CPHXL: variants seen among roughly 807,000 people sequenced by gnomAD.
The protein encoded by CPHXL is cytoplasmic polyadenylated homeobox like.
At chr16:75,722,884 TG>T (rs1959498529) in intron 1 of CPHXL, among the ~76,000 whole-genome samples, 1 of 152,130 alleles carries the variant, frequency 6.6e-6, no homozygotes, top group Non-Finnish European at 1.5e-5. Flanking sequence ...CAGCAGCACA[TG>T]AAAAAGCTCA....
intron 1 of CPHXL, among the ~76,000 whole-genome samples, chr16:75,721,162 A>C (rs1959471126): frequency 6.6e-6 from 1 of 152,222 alleles, no homozygotes; most frequent in Non-Finnish European, 1.5e-5. Flanking sequence ...TCAATTGTTA[A>C]GACCATCGAG....
intron 2 of CPHXL, among the ~76,000 whole-genome samples, chr16:75,717,502 G>A (rs1045690258): frequency 4.6e-5 from 7 of 152,122 alleles, no homozygotes; most frequent in African/African-American, 7.2e-5. Context: ...ACCATCTCTA[G>A]ATGACTTACA....
chr16:75,720,335 A>T (rs1020054884), intron 1 of CPHXL, among the ~76,000 whole-genome samples: 4 of 152,208 alleles, frequency 2.6e-5, no homozygotes, highest in Non-Finnish European at 5.9e-5. Context: ...AACCCATGGC[A>T]AAGAAGTTAA....
chr16:75,725,798 T>C (rs1366652349), intron 1 of CPHXL, among the ~76,000 whole-genome samples: 7 of 143,172 alleles, frequency 4.9e-5, no homozygotes, highest in African/African-American at 1.3e-4. Context: ...AACCTTGCTA[T>C]GTTGCCTGGG....
At chr16:75,721,067 C>T (rs1304292414) in intron 1 of CPHXL, among the ~76,000 whole-genome samples, 2 of 152,226 alleles carry the variant, frequency 1.3e-5, no homozygotes, top group South Asian at 2.1e-4. Context: ...GATTTTGTCA[C>T]CACCAGGCCT....
At chr16:75,718,662 C>G (rs968820183) in intron 1 of CPHXL, among the ~76,000 whole-genome samples, 4 of 152,172 alleles carry the variant, frequency 2.6e-5, no homozygotes, top group Non-Finnish European at 4.4e-5. Context: ...GCCAGATCCA[C>G]CCAGTTGCCT....
At position 75,723,808 on chromosome 16, in the gene CPHXL, A is replaced by C. The variant is rs1222047223; in HGVS notation, c.25+2610T>G. Among the ~76,000 whole-genome samples the C allele has an allele frequency of 6.6e-5, 10 of 152,346 alleles. No individual in the cohort carries two copies. In the East Asian group the frequency reaches 1.5e-3, roughly 23 times the overall value. ...CACATTGCCAAGTCAATCCTAAGCC[A>C]AAAGAACAAAGCTGGAGGCATCATG... On this transcript the variant is annotated intron_variant, in intron 1 of 2. Transcript: ENST00000640559.
intron 2 of CPHXL, 30 bp from the exon 3 acceptor site, chr16:75,715,252 G>T: frequency 2.5e-6 from 1 of 398,624 alleles, no homozygotes; most frequent in South Asian, 1.3e-4. Context: ...TTGTTTTATT[G>T]ACTCTACTTA....
rs1959356977 is a variant in CPHXL at position 75,714,219 on chromosome 16, T to G, written c.*5A>C. 2.5e-6 allele frequency: 1 copy of G among 398,576 alleles called. No individual in the cohort carries two copies. Among genetic ancestry groups the G allele is most frequent in the Non-Finnish European group, 4.4e-6 (1 of 226,126 alleles). 24.7% of individuals were successfully genotyped at this position (398,576 alleles called of 1,614,324 possible). ...CCTGCTGCAGACCCTTGTCCACTCT[T>G]CAACTTAAAGTTGCTGCATTTGGGT... On this transcript the variant is annotated 3_prime_UTR_variant, in exon 3 of 3. Coordinates refer to ENST00000640559, the MANE Select transcript of CPHXL (RefSeq NM_001355613.1).
chr16:75,726,240 T>G (rs1959557659), intron 1 of CPHXL, among the ~76,000 whole-genome samples, 178 bp downstream of exon 1: 1 of 152,184 alleles, frequency 6.6e-6, no homozygotes, highest in East Asian at 1.9e-4. Flanking sequence ...CATTTTACAT[T>G]TGAAATTCAA....
At position 75,718,651 on chromosome 16, in the gene CPHXL, G is replaced by C. The variant is rs1490354592; in HGVS notation, c.26-193C>G. Among the ~76,000 whole-genome samples, 3 of 152,104 alleles carry C rather than the reference G, an allele frequency of 2.0e-5. No individual in the cohort carries two copies. In the South Asian group the frequency reaches 6.2e-4, roughly 32 times the overall value. On this transcript the variant is annotated intron_variant, in intron 1 of 2. Transcript: ENST00000640559. ...GGAATTGGCTAACTCTAGGCCTATG[G>C]GCCAGATCCACCCAGTTGCCTGTTT... is the stretch of plus-strand genomic sequence containing the variant.
chr16:75,718,040 T>C (rs920997786), intron 2 of CPHXL, among the ~76,000 whole-genome samples: 11 of 142,044 alleles, frequency 7.7e-5, no homozygotes, highest in African/African-American at 3.0e-4. Context: ...CTGGGCAACA[T>C]GGTGAGACCC....
In CPHXL at chr16:75,714,460, T is replaced by C. The variant is rs1411997157; in HGVS notation, c.982A>G (p.Met328Val). The C allele has an allele frequency of 1.3e-5, 5 of 398,468 alleles. No homozygotes were observed. Among genetic ancestry groups the C allele is most frequent in the Non-Finnish European group, 1.8e-5 (4 of 226,072 alleles). The allele number at this position is 398,468 out of a possible 1,614,324, so 24.7% of individuals were successfully genotyped here. Residue 328 changes from methionine (M) to valine (V), a missense_variant, in exon 3 of 3, where the codon ATG becomes GTG. Physicochemically the swap from Met to Val is conservative, Grantham distance 21. Transcript: ENST00000640559. Reference sequence around the variant, plus strand: ...ATTGGGAGCTGTTCCTGCAACATCATCCCCTCTAAGTAATTCTGAGGCTGT... The same window carrying C: ...ATTGGGAGCTGTTCCTGCAACATCACCCCCTCTAAGTAATTCTGAGGCTGT... ...HQQPQNYLEG[M>V]MLQEQLPMDS...
intron 1 of CPHXL, among the ~76,000 whole-genome samples, chr16:75,724,017 A>G (rs930954105): frequency 6.6e-6 from 1 of 152,264 alleles, no homozygotes; most frequent in African/African-American, 2.4e-5. Flanking sequence ...CAAACAAGAA[A>G]TGGGGAAAGG....
In CPHXL at chr16:75,718,410, T is replaced by C; in HGVS notation, c.74A>G (p.Asn25Ser). ...ATGTCGGTGTTTTGTTTTTCTTTTA[T>C]TCTTTGTTTGTCTTTCTTCATTATG... ...DHHNEERQTKNKRKTKHRHKF... is the reference protein window; with the variant it reads ...DHHNEERQTKSKRKTKHRHKF... The change falls in exon 2 of 3, where the codon AAT becomes AGT. Residue 25 changes from asparagine (N) to serine (S), a missense_variant. Physicochemically the swap from Asn to Ser is conservative, Grantham distance 46 (BLOSUM62 1). Transcript: ENST00000640559. 1 of 398,728 alleles carries C rather than the reference T, an allele frequency of 2.5e-6. No individual in the cohort carries two copies. Among genetic ancestry groups the C allele is most frequent in the Non-Finnish European group, 4.4e-6 (1 of 226,152 alleles). The allele number at this position is 398,728 out of a possible 1,614,324, so 24.7% of individuals were successfully genotyped here.
chr16:75,722,448 C>G (rs1435052335), intron 1 of CPHXL, among the ~76,000 whole-genome samples: 1 of 152,138 alleles, frequency 6.6e-6, no homozygotes, highest in Non-Finnish European at 1.5e-5. Context: ...CACAGAAATA[C>G]AAACTACCAT....
Position 75,725,286 on chromosome 16 carries a change from ACTTT to A in CPHXL, c.25+1128_25+1131del, listed in dbSNP as rs528926128. Among the ~76,000 whole-genome samples the A allele has an allele frequency of 3.0e-4, 46 of 152,140 alleles. 1 individual carries two copies. The South Asian group carries it at 9.6e-3, about 32-fold the overall frequency. On this transcript the variant is annotated intron_variant, in intron 1 of 2. Coordinates refer to ENST00000640559, the MANE Select transcript of CPHXL (RefSeq NM_001355613.1). ...AACTTAAAGTATAATAATAAAAAAAACTTTCTTTTTTTCTTTATTTTTGAGACAG... is the reference window on the plus strand; with the variant it reads ...AACTTAAAGTATAATAATAAAAAAAACTTTTTTTCTTTATTTTTGAGACAG...
chr16:75,726,219 C>T (rs565423992), intron 1 of CPHXL, among the ~76,000 whole-genome samples, 199 bp downstream of exon 1: 13 of 152,142 alleles, frequency 8.5e-5, no homozygotes, highest in Admixed American at 2.0e-4. Context: ...TTGTATGGGA[C>T]TCACGGCTGC....
At chr16:75,723,383 G>C (rs1959505641) in intron 1 of CPHXL, among the ~76,000 whole-genome samples, 1 of 151,990 alleles carries the variant, frequency 6.6e-6, no homozygotes, top group Non-Finnish European at 1.5e-5. Context: ...TCCTTAAGCT[G>C]ATAAGCAACT....
Sources: gnomAD v4.1 joint callset for allele counts (sites outside exome capture counted in the v4.1 genomes callset) on GRCh38, gnomAD v4.1.1 for gene constraint, MANE v1.5 for transcripts, NCBI Gene and HGNC (gene_info 2026-07-23, HGNC 2026-07-21) for gene names.